The following FRY variants were observed in gnomAD, a reference collection of about 807,000 sequenced individuals.
FRY encodes the protein FRY microtubule binding protein, also known as protein furry homolog.
A neutral mutation model predicts 348.4 loss-of-function variants in FRY; 128 were observed. That is an observed-to-expected ratio of 0.37 (90% CI 0.32 to 0.43). The LOEUF is 0.43. Among genes scored for constraint, FRY ranks in the 20% least tolerant of loss-of-function variants. FRY has a pLI of 1.00. For missense variants in FRY, 2,736 were observed against 3,695.2 expected (o/e 0.74, Z 6.73); for synonymous variants, 1,370 against 1,374.7 (o/e 1.00, Z 0.08).
chr13:32,081,367 C>G (rs148408721), intron 2 of FRY, among the ~76,000 whole-genome samples: 124 of 152,304 alleles, frequency 8.1e-4, no homozygotes, highest in African/African-American at 2.6e-3. Flanking sequence ...CTCTATCACC[C>G]AGACCTCAGT....
At chr13:32,145,263 A>G (rs1880330634) in intron 11 of FRY, among the ~76,000 whole-genome samples, 1 of 152,176 alleles carries the variant, frequency 6.6e-6, no homozygotes, top group Non-Finnish European at 1.5e-5. Context: ...AGAAAGGATT[A>G]TAATCGGTGT....
chr13:32,123,821 T>C (rs111323914), intron 4 of FRY, among the ~76,000 whole-genome samples: 1,539 of 104,322 alleles, frequency 0.015, 30 homozygotes, highest in African/African-American at 0.039. Flanking sequence ...TTAGCATGTT[T>C]TGTTGTTGTT....
Position 32,295,373 on chromosome 13 carries a change from G to C in FRY, c.8955G>C (p.Glu2985Asp). The C allele has an allele frequency of 6.2e-7, 1 of 1,613,532 alleles. No homozygotes were observed. The highest frequency in any genetic ancestry group is 1.1e-5 in the South Asian group (1 of 91,068). Residue 2985 changes from glutamate to aspartate, a missense_variant, in exon 61 of 61, where the codon GAG becomes GAC. Glu to Asp is a conservative substitution (Grantham distance 45). Transcript: ENST00000542859. ...CCAAGCTGATGGAGCTGAACATGGA[G>C]ATCCGGGACATGATCCGCAGGGCCC... ...ICTKLMELNM[E>D]IRDMIRRAQS...
intron 48 of FRY, among the ~76,000 whole-genome samples, chr13:32,247,763 A>G (rs1004830081): frequency 3.9e-5 from 6 of 152,220 alleles, no homozygotes; most frequent in African/African-American, 1.2e-4. Context: ...TAAAAATGGA[A>G]CGATCATAAG....
chr13:32,134,634 T>C (rs922658246), intron 8 of FRY, among the ~76,000 whole-genome samples: 6 of 152,240 alleles, frequency 3.9e-5, no homozygotes, highest in African/African-American at 1.4e-4. Context: ...GATACACGTG[T>C]GCTTGCTGGT....
rs140959499 is a variant in FRY, at chr13:32,073,177, G to T, written c.71-5657G>T. Reference sequence around the variant, plus strand: ...CAGGCCAAACATCTCTGCTTCCTGAGGAATGGAGTACTTTGTACAGGAAGA... The same window carrying T: ...CAGGCCAAACATCTCTGCTTCCTGATGAATGGAGTACTTTGTACAGGAAGA... On this transcript the variant is annotated intron_variant, in intron 1 of 60. Transcript: ENST00000542859. 4.6e-3 allele frequency among the ~76,000 whole-genome samples: 700 copies of T among 152,312 alleles called. 6 individuals are homozygous for T. Among genetic ancestry groups the T allele is most frequent in the Middle Eastern group, 0.027 (8 of 294 alleles).
At chr13:32,244,250 T>C in intron 47 of FRY, 68 bp downstream of exon 47, 1 of 1,438,372 alleles carries the variant, frequency 7.0e-7, no homozygotes, top group Admixed American at 1.7e-5. Flanking sequence ...TCCTGTAGCT[T>C]GGCTACAAAA....
intron 53 of FRY, 94 bp from the exon 54 acceptor site, chr13:32,265,356 A>G: frequency 8.4e-7 from 1 of 1,195,962 alleles, no homozygotes; most frequent in Non-Finnish European, 1.2e-6. Flanking sequence ...CACCATCAGC[A>G]TTTCAGTCTC....
At chr13:32,052,837 G>A (rs536200769) in intron 1 of FRY, among the ~76,000 whole-genome samples, 5 of 152,230 alleles carry the variant, frequency 3.3e-5, no homozygotes, top group African/African-American at 1.2e-4. Flanking sequence ...TTTCTGGCTG[G>A]GCACGATGGC....
rs904842670 is a variant in FRY at position 32,295,537 on chromosome 13, G to A, written c.*77G>A. 10 of 1,415,286 alleles carry A rather than the reference G, an allele frequency of 7.1e-6. No homozygotes were observed. Among genetic ancestry groups the A allele is most frequent in the East Asian group, 4.5e-5 (2 of 43,978 alleles). 87.7% of individuals were successfully genotyped at this position (1,415,286 alleles called of 1,614,324 possible). ...GGGCAACGTCATTCAGTGTCTTCTC[G>A]GCCTTCAAAAGGCTTGGACAGACTG... On this transcript the variant is annotated 3_prime_UTR_variant, in exon 61 of 61. Transcript: ENST00000542859.
At chr13:32,218,655 G>A (rs1462780099) in intron 35 of FRY, 94 bp from the exon 36 acceptor site, 13 of 706,038 alleles carry the variant, frequency 1.8e-5, no homozygotes, top group Admixed American at 1.5e-4. Flanking sequence ...GTGCAGCCTG[G>A]TGACAGAGTG....
chr13:32,065,249 G>C (rs1414214722), intron 1 of FRY, among the ~76,000 whole-genome samples: 1 of 152,076 alleles, frequency 6.6e-6, no homozygotes, highest in Non-Finnish European at 1.5e-5. Context: ...AAATTCTACA[G>C]TTATCAAGAT....
intron 4 of FRY, among the ~76,000 whole-genome samples, chr13:32,121,139 A>ATATG (rs1878624255): frequency 6.6e-6 from 1 of 152,202 alleles, no homozygotes; most frequent in South Asian, 2.1e-4. Context: ...TCGATCATAT[A>ATATG]TATATACCAC....
At position 32,161,385 on chromosome 13, in the gene FRY, A is replaced by G. The variant is rs532360888; in HGVS notation, c.1892+134A>G. 522 of 701,204 alleles carry G rather than the reference A, an allele frequency of 7.4e-4. 1 individual carries two copies. The highest frequency in any genetic ancestry group is 1.2e-3 in the Non-Finnish European group (488 of 392,922). The allele number at this position is 701,204 out of a possible 1,614,324, so 43.4% of individuals were successfully genotyped here. Reference sequence around the variant, plus strand: ...ACTGGGTATGGGCAGGAAAAAACAAATTTTTAAAAATTATTTTTCCCATAT... The same window carrying G: ...ACTGGGTATGGGCAGGAAAAAACAAGTTTTTAAAAATTATTTTTCCCATAT... On this transcript the variant is annotated intron_variant, in intron 17 of 60. Transcript: ENST00000542859.
intron 16 of FRY, among the ~76,000 whole-genome samples, chr13:32,160,854 TA>T (rs1354622250): frequency 3.5e-5 from 5 of 143,152 alleles, no homozygotes; most frequent in Non-Finnish European, 7.7e-5. Flanking sequence ...TCTGGTATTT[TA>T]AATGCAACTG....
At chr13:32,107,063 T>C (rs1001369797) in intron 3 of FRY, among the ~76,000 whole-genome samples, 2 of 152,208 alleles carry the variant, frequency 1.3e-5, no homozygotes, top group African/African-American at 4.8e-5. Flanking sequence ...TCTGTAAGAA[T>C]AAACCTGGAA....
Position 32,209,095 on chromosome 13 carries a change from T to C in FRY, c.4261T>C (p.Tyr1421His). ...ATSLVLNNLM[Y>H]MTAKYGDEVP... ...GTCACTGGTCCTGAACAACCTCATG[T>C]ACATGACGGCCAAGGTAAACTCAGA... The change falls in exon 32 of 61, where the codon TAC becomes CAC. Residue 1421 changes from tyrosine to histidine, a missense_variant. By Grantham distance (83) the Tyr-to-His change is moderately conservative. Transcript: ENST00000542859. 6.2e-7 allele frequency: 1 copy of C among 1,614,062 alleles called. No individual in the cohort carries two copies. Among genetic ancestry groups the C allele is most frequent in the Non-Finnish European group, 8.5e-7 (1 of 1,180,036 alleles).
intron 55 of FRY, among the ~76,000 whole-genome samples, chr13:32,269,598 A>G (rs555997816): frequency 1.6e-4 from 24 of 152,298 alleles, no homozygotes; most frequent in Non-Finnish European, 3.1e-4. Flanking sequence ...AGGCTGAGGC[A>G]GGAGAATCAC....
intron 41 of FRY, 94 bp downstream of exon 41, chr13:32,231,394 T>C (rs575479718): frequency 8.9e-6 from 11 of 1,231,948 alleles, no homozygotes; most frequent in African/African-American, 5.9e-5. Flanking sequence ...AAAACGGTCC[T>C]GCACTCCACA....
Sources: allele counts gnomAD v4.1 joint callset (sites outside exome capture counted in the v4.1 genomes callset), GRCh38; gene constraint gnomAD v4.1.1; transcripts MANE v1.5; gene names NCBI Gene and HGNC (gene_info 2026-07-23, HGNC 2026-07-21).